INSYN2B: variants seen among roughly 807,000 people sequenced by gnomAD.
INSYN2B encodes the protein protein INSYN2B.
INSYN2B carries 16 observed loss-of-function variants against 41.2 expected under a neutral mutation model. That is an observed-to-expected ratio of 0.39 (90% CI 0.26 to 0.59). INSYN2B has a LOEUF of 0.59. Among genes scored for constraint, INSYN2B ranks in the 20% least tolerant of loss-of-function variants. INSYN2B has a pLI of 0.57. For missense variants in INSYN2B, 608 were observed against 646.4 expected (o/e 0.94, Z 0.64); for synonymous variants, 245 against 244.4 (o/e 1.00, Z -0.02).
At chr5:169,877,283 T>C (rs1442472044) in intron 3 of INSYN2B, among the ~76,000 whole-genome samples, 1 of 152,214 alleles carries the variant, frequency 6.6e-6, no homozygotes, top group Non-Finnish European at 1.5e-5. Flanking sequence ...GGTCAGATTC[T>C]ATTTTTCAGG....
At chr5:169,956,445 A>G (rs1178943428) in intron 1 of INSYN2B, among the ~76,000 whole-genome samples, 1 of 152,234 alleles carries the variant, frequency 6.6e-6, no homozygotes, top group Non-Finnish European at 1.5e-5. Context: ...AGATTACTGC[A>G]GCGACTTTAA....
chr5:169,930,950 G>A (rs1164973541), intron 1 of INSYN2B, among the ~76,000 whole-genome samples: 1 of 152,206 alleles, frequency 6.6e-6, no homozygotes, highest in Non-Finnish European at 1.5e-5. Context: ...TCATGGGCCA[G>A]TCCCTTTTAC....
At chr5:169,891,570 G>A (rs1014777849) in intron 1 of INSYN2B, among the ~76,000 whole-genome samples, 1 of 152,076 alleles carries the variant, frequency 6.6e-6, no homozygotes. Context: ...TCTAGAAAAT[G>A]TAGGGGACTC....
intron 1 of INSYN2B, among the ~76,000 whole-genome samples, chr5:169,932,173 A>G (rs1305828577): frequency 2.6e-5 from 4 of 152,186 alleles, no homozygotes; most frequent in African/African-American, 9.7e-5. Context: ...ATTAACATCA[A>G]CGGTGAGTAT....
chr5:169,926,276 C>G (rs1775451344), intron 1 of INSYN2B, among the ~76,000 whole-genome samples: 1 of 152,220 alleles, frequency 6.6e-6, no homozygotes, highest in Non-Finnish European at 1.5e-5. Flanking sequence ...GCAGACCCTG[C>G]TCCTTACTTG....
chr5:169,862,922 C>T lies in INSYN2B; in HGVS notation c.*1351G>A, dbSNP rs1056986610. ...CAAGGGAATTACAAAATACCTTCTTCGTTTAATGTATGTTTAGTTTCAGGC... is the reference window on the plus strand; with the variant it reads ...CAAGGGAATTACAAAATACCTTCTTTGTTTAATGTATGTTTAGTTTCAGGC... On this transcript the variant is annotated 3_prime_UTR_variant, in exon 4 of 4. Coordinates refer to ENST00000377365, the MANE Select transcript of INSYN2B (RefSeq NM_001129891.3). Among the ~76,000 whole-genome samples the T allele has an allele frequency of 5.3e-5, 8 of 152,180 alleles. No individual in the cohort carries two copies. Among genetic ancestry groups the T allele is most frequent in the South Asian group, 2.1e-4 (1 of 4,828 alleles).
chr5:169,901,169 T>C lies in INSYN2B; in HGVS notation c.-918-16353A>G, dbSNP rs370448128. ...CATTGAGGAGGGATGGTGGGTGTGA[T>C]TGAGGTGATGGGATGGGCATGAAAA... is the stretch of plus-strand genomic sequence containing the variant. On this transcript the variant is annotated intron_variant, in intron 1 of 3. Coordinates refer to ENST00000377365, the MANE Select transcript of INSYN2B (RefSeq NM_001129891.3). Among the ~76,000 whole-genome samples the C allele has an allele frequency of 1.3e-3, 200 of 152,074 alleles. 4 individuals carry two copies. In the South Asian group the frequency reaches 0.039, roughly 30 times the overall value.
At chr5:169,942,543 A>T (rs192703792) in intron 1 of INSYN2B, among the ~76,000 whole-genome samples, 1 of 152,246 alleles carries the variant, frequency 6.6e-6, no homozygotes, top group Non-Finnish European at 1.5e-5. Context: ...CATATTTTAC[A>T]GAAAATTGTA....
rs144377610 is a variant in INSYN2B, at chr5:169,891,712, C to T, written c.-918-6896G>A. On this transcript the variant is annotated intron_variant, in intron 1 of 3. Coordinates refer to ENST00000377365, the MANE Select transcript of INSYN2B (RefSeq NM_001129891.3). ...CAAAAAGAACAAAGTCAGCCGGGCA[C>T]GGTGGTTCACACCCATAATCCCAGC... is the stretch of plus-strand genomic sequence containing the variant. 4.3e-3 allele frequency among the ~76,000 whole-genome samples: 655 copies of T among 152,172 alleles called. 8 individuals are homozygous for T. The highest frequency in any genetic ancestry group is 0.015 in the African/African-American group (629 of 41,522).
At chr5:169,915,944 C>A (rs150395543) in intron 1 of INSYN2B, among the ~76,000 whole-genome samples, 8 of 152,080 alleles carry the variant, frequency 5.3e-5, no homozygotes, top group African/African-American at 1.7e-4. Flanking sequence ...TCTTAAGAAA[C>A]GTTATGCTGA....
intron 1 of INSYN2B, among the ~76,000 whole-genome samples, chr5:169,937,838 C>T (rs184079515): frequency 1.1e-4 from 17 of 152,358 alleles, no homozygotes; most frequent in Admixed American, 2.6e-4. Flanking sequence ...TCACTGACAA[C>T]ACTGAAATCA....
At chr5:169,871,336 C>T (rs1223784308) in intron 3 of INSYN2B, among the ~76,000 whole-genome samples, 2 of 152,072 alleles carry the variant, frequency 1.3e-5, no homozygotes, top group Non-Finnish European at 2.9e-5. Flanking sequence ...AAAGAGAGTA[C>T]CTGGGCCACA....
intron 1 of INSYN2B, among the ~76,000 whole-genome samples, chr5:169,910,285 T>C (rs1774521750): frequency 6.6e-6 from 1 of 152,182 alleles, no homozygotes; most frequent in Non-Finnish European, 1.5e-5. Flanking sequence ...CCAAGCCGGT[T>C]ACCACCGCAT....
chr5:169,885,754 G>A (rs1181911203), intron 1 of INSYN2B, among the ~76,000 whole-genome samples: 1 of 152,170 alleles, frequency 6.6e-6, no homozygotes, highest in African/African-American at 2.4e-5. Flanking sequence ...ACTCTATAAG[G>A]TAGATAATAT....
intron 1 of INSYN2B, among the ~76,000 whole-genome samples, chr5:169,930,187 T>C (rs1775677548): frequency 6.6e-6 from 1 of 152,152 alleles, no homozygotes; most frequent in South Asian, 2.1e-4. Flanking sequence ...GATGGGGGTT[T>C]CACCATGTTG....
At chr5:169,958,593 T>TC (rs1776958423) in intron 1 of INSYN2B, among the ~76,000 whole-genome samples, 1 of 151,568 alleles carries the variant, frequency 6.6e-6, no homozygotes, top group African/African-American at 2.4e-5. Context: ...TTCTTTTTTT[T>TC]TGGTATAAAT....
chr5:169,896,384 G>A (rs1382721662), intron 1 of INSYN2B, among the ~76,000 whole-genome samples: 3 of 152,118 alleles, frequency 2.0e-5, no homozygotes, highest in East Asian at 1.9e-4. Context: ...GAAAACAGAC[G>A]GCTTAGATTT....
intron 1 of INSYN2B, among the ~76,000 whole-genome samples, chr5:169,957,795 C>T (rs903279878): frequency 1.3e-5 from 2 of 152,174 alleles, no homozygotes; most frequent in African/African-American, 4.8e-5. Context: ...GGTAGAGCTC[C>T]ATGTACTGCT....
At chr5:169,864,527 A>G (rs1771414880) in intron 3 of INSYN2B, 68 bp from the exon 4 acceptor site, 7 of 1,203,668 alleles carry the variant, frequency 5.8e-6, no homozygotes, top group Non-Finnish European at 8.0e-6. Flanking sequence ...AGCATCTCTC[A>G]GCCCCAACTA....
Sources: allele counts gnomAD v4.1 joint callset (sites outside exome capture counted in the v4.1 genomes callset), GRCh38; gene constraint gnomAD v4.1.1; transcripts MANE v1.5; gene names NCBI Gene and HGNC (gene_info 2026-07-23, HGNC 2026-07-21).